KCNB2: variants seen among roughly 807,000 people sequenced by gnomAD.
The protein encoded by KCNB2 is delayed rectifier potassium channel protein.
In KCNB2, 15 loss-of-function variants were observed where a neutral mutation model predicts 61.5. That is an observed-to-expected ratio of 0.24 (90% CI 0.16 to 0.38). The LOEUF (loss-of-function observed/expected upper bound fraction) is 0.38. KCNB2 is among the 10% of genes least tolerant of loss of function. KCNB2 has a pLI of 1.00. For synonymous variants in KCNB2, 457 were observed against 446.0 expected, an observed-to-expected ratio of 1.02 and a Z score of -0.31; for missense variants, 828 against 1,125.2, an observed-to-expected ratio of 0.74 and a Z score of 3.78.
intron 2 of KCNB2, among the ~76,000 whole-genome samples, chr8:72,646,113 G>A (rs1806125472): frequency 6.6e-6 from 1 of 151,850 alleles, no homozygotes; most frequent in Non-Finnish European, 1.5e-5. Context: ...ATTGTTCTAT[G>A]TATATTCAAG....
intron 2 of KCNB2, among the ~76,000 whole-genome samples, chr8:72,828,148 C>T (rs1043653235): frequency 2.0e-5 from 3 of 152,034 alleles, no homozygotes; most frequent in Non-Finnish European, 4.4e-5. Context: ...CTCATGAGGA[C>T]CCAGCTTAAG....
At chr8:72,861,123 A>G (rs1805399871) in intron 2 of KCNB2, among the ~76,000 whole-genome samples, 2 of 151,862 alleles carry the variant, frequency 1.3e-5, no homozygotes, top group African/African-American at 4.8e-5. Flanking sequence ...TATGTTCTCA[A>G]GATAGTAAGA....
chr8:72,789,578 G>A (rs1023412298), intron 2 of KCNB2, among the ~76,000 whole-genome samples: 5 of 152,142 alleles, frequency 3.3e-5, no homozygotes, highest in African/African-American at 9.7e-5. Context: ...ACTCAGGCAT[G>A]GAGAGTAGGA....
chr8:72,718,379 G>A (rs530196688), intron 2 of KCNB2, among the ~76,000 whole-genome samples: 1 of 152,132 alleles, frequency 6.6e-6, no homozygotes, highest in African/African-American at 2.4e-5. Flanking sequence ...GTTTATTGCA[G>A]CATTATTCAC....
intron 2 of KCNB2, among the ~76,000 whole-genome samples, chr8:72,772,897 T>C (rs1808583996): frequency 6.6e-6 from 1 of 152,218 alleles, no homozygotes; most frequent in South Asian, 2.1e-4. Flanking sequence ...TTCCAGTCAA[T>C]GCCTGTCTCT....
intron 2 of KCNB2, among the ~76,000 whole-genome samples, chr8:72,905,055 C>T (rs969873380): frequency 6.6e-6 from 1 of 152,142 alleles, no homozygotes; most frequent in Non-Finnish European, 1.5e-5. Flanking sequence ...AACCATGAAA[C>T]ACCTGCTAAG....
At chr8:72,548,882 G>A (rs981154801) in intron 1 of KCNB2, among the ~76,000 whole-genome samples, 1 of 152,146 alleles carries the variant, frequency 6.6e-6, no homozygotes, top group Non-Finnish European at 1.5e-5. Flanking sequence ...TCAAAAATAG[G>A]CTTGGGTGGT....
intron 1 of KCNB2, among the ~76,000 whole-genome samples, chr8:72,564,484 G>A (rs1806590831): frequency 6.6e-6 from 1 of 151,860 alleles, no homozygotes; most frequent in Non-Finnish European, 1.5e-5. Flanking sequence ...TATTTATGTG[G>A]ACAATTCAAT....
At chr8:72,749,013 C>T (rs1054539398) in intron 2 of KCNB2, among the ~76,000 whole-genome samples, 2 of 152,108 alleles carry the variant, frequency 1.3e-5, no homozygotes, top group Non-Finnish European at 2.9e-5. Flanking sequence ...CACCCTTCCT[C>T]GTAATGGTTT....
intron 2 of KCNB2, among the ~76,000 whole-genome samples, chr8:72,857,299 G>T (rs1810221659): frequency 6.6e-6 from 1 of 152,292 alleles, no homozygotes; most frequent in South Asian, 2.1e-4. Context: ...AACTGAAGGG[G>T]AAGCAAGAGT....
chr8:72,725,531 A>ATATGTG (rs1807621590), intron 2 of KCNB2, among the ~76,000 whole-genome samples: 3 of 18,374 alleles, frequency 1.6e-4, no homozygotes, highest in African/African-American at 6.6e-4. Flanking sequence ...ATATATATAT[A>ATATGTG]TATATATATG....
At chr8:72,890,561 G>A (rs1805880837) in intron 2 of KCNB2, among the ~76,000 whole-genome samples, 1 of 152,132 alleles carries the variant, frequency 6.6e-6, no homozygotes, top group South Asian at 2.1e-4. Context: ...GTTCCCAGTG[G>A]TCACCACAAG....
chr8:72,540,750 A>G (rs1248042361), intron 1 of KCNB2, among the ~76,000 whole-genome samples: 2 of 152,158 alleles, frequency 1.3e-5, no homozygotes, highest in Admixed American at 6.5e-5. Flanking sequence ...CATGTGTGTG[A>G]GACAAGTAAT....
intron 2 of KCNB2, among the ~76,000 whole-genome samples, chr8:72,702,178 A>C (rs1302632691): frequency 6.6e-6 from 1 of 152,170 alleles, no homozygotes; most frequent in Non-Finnish European, 1.5e-5. Flanking sequence ...GGATGCACAT[A>C]CCAAAACATA....
chr8:72,661,856 C>T (rs1365557501), intron 2 of KCNB2, among the ~76,000 whole-genome samples: 2 of 152,150 alleles, frequency 1.3e-5, no homozygotes, highest in African/African-American at 4.8e-5. Flanking sequence ...ATTTTAAACC[C>T]AAGTAGAGAC....
intron 2 of KCNB2, among the ~76,000 whole-genome samples, chr8:72,590,744 T>C (rs941194522): frequency 6.6e-6 from 1 of 152,138 alleles, no homozygotes; most frequent in Non-Finnish European, 1.5e-5. Flanking sequence ...ATGCATTCTA[T>C]TGAGTCTTAG....
At chr8:72,807,527 A>G (rs1331522779) in intron 2 of KCNB2, among the ~76,000 whole-genome samples, 1 of 152,174 alleles carries the variant, frequency 6.6e-6, no homozygotes. Flanking sequence ...TCCTGCTTCT[A>G]TCTGCCTTTG....
chr8:72,806,128 G>T (rs971894663), intron 2 of KCNB2, among the ~76,000 whole-genome samples: 1 of 152,088 alleles, frequency 6.6e-6, no homozygotes. Flanking sequence ...GGGAGGCCAA[G>T]GTGGGTGGAT....
chr8:72,611,231 TATC>T (rs1805533307), intron 2 of KCNB2, among the ~76,000 whole-genome samples: 1 of 152,210 alleles, frequency 6.6e-6, no homozygotes, highest in Admixed American at 6.5e-5. Flanking sequence ...GATGTTAAAA[TATC>T]ATTTTTAAAG....
Sources: allele counts gnomAD v4.1 joint callset (sites outside exome capture counted in the v4.1 genomes callset), GRCh38; gene constraint gnomAD v4.1.1; transcripts MANE v1.5; gene names NCBI Gene and HGNC (gene_info 2026-07-23, HGNC 2026-07-21).